ABCC1: variants seen among roughly 807,000 people sequenced by gnomAD.
ABCC1 encodes multidrug resistance-associated protein 1.
In ABCC1, 83 loss-of-function variants were observed where a neutral mutation model predicts 172.9. That is an observed-to-expected ratio of 0.48 (90% CI 0.40 to 0.58). ABCC1 has a LOEUF of 0.58. Among genes scored for constraint, ABCC1 ranks in the 20% least tolerant of loss-of-function variants. The probability of loss-of-function intolerance (pLI) is 0.00; values close to 1 mark genes in which losing one functional copy is unlikely to be tolerated. For synonymous variants in ABCC1, 937 were observed against 825.2 expected (o/e 1.14, Z -2.32); for missense variants, 1,817 against 2,002.7 (o/e 0.91, Z 1.77).
At chr16:15,982,142 A>G (rs891324433) in intron 1 of ABCC1, among the ~76,000 whole-genome samples, 1 of 152,130 alleles carries the variant, frequency 6.6e-6, no homozygotes, top group Non-Finnish European at 1.5e-5. Flanking sequence ...ACATCTTGCT[A>G]TACTCTTCTG....
intron 1 of ABCC1, among the ~76,000 whole-genome samples, chr16:15,960,317 C>G (rs2046099427): frequency 1.3e-5 from 2 of 152,018 alleles, no homozygotes; most frequent in Non-Finnish European, 2.9e-5. Flanking sequence ...CTCTTGAGCT[C>G]AAGCAGTCTC....
intron 25 of ABCC1, 71 bp from the exon 26 acceptor site, chr16:16,125,739 G>GAAA (rs60449468): frequency 2.6e-4 from 225 of 863,112 alleles, no homozygotes; most frequent in South Asian, 4.6e-4. Context: ...TATCTCAGTG[G>GAAA]AAAAAAAGAA....
intron 1 of ABCC1, among the ~76,000 whole-genome samples, chr16:15,989,945 C>T (rs1002273575): frequency 4.6e-5 from 7 of 152,120 alleles, no homozygotes; most frequent in South Asian, 2.1e-4. Context: ...AGCATAATCA[C>T]GTCTCACTGC....
At chr16:16,017,410 C>T (rs968251173) in intron 5 of ABCC1, among the ~76,000 whole-genome samples, 6 of 151,510 alleles carry the variant, frequency 4.0e-5, no homozygotes, top group Non-Finnish European at 7.4e-5. Flanking sequence ...TTTTTTCTTT[C>T]TTCAACTTTT....
At chr16:16,008,842 CA>C (rs1208088210) in intron 2 of ABCC1, among the ~76,000 whole-genome samples, 2,816 of 60,212 alleles carry the variant, frequency 0.047, 32 homozygotes, top group Middle Eastern at 0.094. Flanking sequence ...GACTCCTTCT[CA>C]AAAAAAAAAA....
At chr16:16,034,927 G>C (rs2048696819) in intron 6 of ABCC1, among the ~76,000 whole-genome samples, 1 of 152,068 alleles carries the variant, frequency 6.6e-6, no homozygotes, top group South Asian at 2.1e-4. Context: ...TGATGTGTTT[G>C]CATGTGTGTG....
chr16:15,968,030 AT>A (rs971406086), intron 1 of ABCC1, among the ~76,000 whole-genome samples: 1 of 152,020 alleles, frequency 6.6e-6, no homozygotes, highest in African/African-American at 2.4e-5. Flanking sequence ...TCTAGAGATA[AT>A]TTTCTTTTAT....
At chr16:16,054,968 G>A (rs146896106) in intron 11 of ABCC1, among the ~76,000 whole-genome samples, 1 of 152,338 alleles carries the variant, frequency 6.6e-6, no homozygotes, top group Non-Finnish European at 1.5e-5. Flanking sequence ...AGGGGCTCAT[G>A]TCTGTAATCC....
At position 16,007,848 on chromosome 16, in the gene ABCC1, C is replaced by T. The variant is rs375663357; in HGVS notation, c.81C>T (p.Pro27=). 138 of 1,613,054 alleles carry T rather than the reference C, an allele frequency of 8.6e-5. No individual in the cohort carries two copies. In the African/African-American group the frequency reaches 1.2e-3, roughly 14 times the overall value. ...ATGTCACGTGGAATACCAGCAACCC[C>T]GACTTCACCAAGTGCTTTCAGAACA... ...DWNVTWNTSN[P]DFTKCFQNTV... The change falls in exon 2 of 31, where the codon CCC becomes CCT. Residue 27 remains proline (P), a synonymous_variant. Coordinates refer to ENST00000399410, the MANE Select transcript of ABCC1 (RefSeq NM_004996.4).
intron 29 of ABCC1, among the ~76,000 whole-genome samples, chr16:16,137,545 C>CTTTT (rs151237296): frequency 2.6e-4 from 15 of 56,682 alleles, no homozygotes; most frequent in East Asian, 1.4e-3. Flanking sequence ...GGTATGAGGC[C>CTTTT]TTTTTTTTTT....
intron 22 of ABCC1, 46 bp from the exon 23 acceptor site, chr16:16,114,720 C>A: frequency 6.5e-7 from 1 of 1,539,634 alleles, no homozygotes; most frequent in Non-Finnish European, 8.8e-7. Context: ...AGTGCCTGGT[C>A]AGCTCCCTCT....
chr16:16,041,396 C>G (rs1428098001), intron 7 of ABCC1, among the ~76,000 whole-genome samples: 1 of 152,110 alleles, frequency 6.6e-6, no homozygotes, highest in African/African-American at 2.4e-5. Flanking sequence ...GTGGTGAGAA[C>G]TGGGTCTTGG....
At chr16:16,016,436 G>C in intron 4 of ABCC1, 60 bp from the exon 5 acceptor site, 1 of 1,603,792 alleles carries the variant, frequency 6.2e-7, no homozygotes, top group Admixed American at 1.7e-5. Flanking sequence ...TTACAGGCGT[G>C]AGCCACCACA....
At chr16:15,949,389 C>T (rs1383865566), upstream of ABCC1, among the ~76,000 whole-genome samples, 2 of 151,878 alleles carry the variant, frequency 1.3e-5, no homozygotes, top group Non-Finnish European at 1.5e-5. Flanking sequence ...CCAACGCTCC[C>T]CAGGCCCGTC....
chr16:16,108,331 G>T (rs2052231475), intron 21 of ABCC1, among the ~76,000 whole-genome samples: 1 of 138,386 alleles, frequency 7.2e-6, no homozygotes. Context: ...CCAGGCTGTA[G>T]TGCCGTGGCG....
chr16:15,961,009 T>G (rs892273910), intron 1 of ABCC1, among the ~76,000 whole-genome samples: 1 of 51,580 alleles, frequency 1.9e-5, no homozygotes, highest in African/African-American at 9.2e-5. Context: ...GGTTTTTTTT[T>G]TTTTTTTTTT....
rs758224907 is a variant in ABCC1 at position 16,045,944 on chromosome 16, G to C, written c.1149G>C (p.Gln383His). The C allele has an allele frequency of 1.9e-6, 3 of 1,614,072 alleles. No individual in the cohort carries two copies. Among genetic ancestry groups the C allele is most frequent in the African/African-American group, 1.3e-5 (1 of 74,930 alleles). ...GCCTGCAGACCCTCGTGCTGCACCA[G>C]TACTTCCACATCTGCTTCGTCAGTG... ...TACLQTLVLH[Q>H]YFHICFVSGM... The change falls in exon 9 of 31, where the codon CAG becomes CAC. Residue 383 changes from glutamine (Q) to histidine (H), a missense_variant. Physicochemically the swap from Gln to His is conservative, Grantham distance 24. Around this residue, in one of 3 missense-constraint regions of ABCC1, gnomAD observed 1,412 missense variants for 1,600.3 expected, o/e 0.88. Coordinates refer to ENST00000399410, the MANE Select transcript of ABCC1 (RefSeq NM_004996.4).
intron 5 of ABCC1, among the ~76,000 whole-genome samples, chr16:16,032,876 T>A (rs1328752492): frequency 6.6e-6 from 1 of 152,188 alleles, no homozygotes; most frequent in East Asian, 1.9e-4. Context: ...GCATGTTGTA[T>A]TGTGGTTGCA....
Position 16,142,952 on chromosome 16 carries a change from A to AC in ABCC1, c.*1673dup, listed in dbSNP as rs1226793325. The AC allele has an allele frequency of 2.0e-5, 3 of 152,590 alleles. No individual in the cohort carries two copies. The highest frequency in any genetic ancestry group is 4.4e-5 in the Non-Finnish European group (3 of 68,040). The allele number at this position is 152,590 out of a possible 1,614,324, so 9.5% of individuals were successfully genotyped here. A position where few individuals can be genotyped will look rare whatever the true frequency, so the allele number is the denominator to read the frequency against. On this transcript the variant is annotated 3_prime_UTR_variant, in exon 31 of 31. Transcript: ENST00000399410. ...CATATATTTATTTTTTGTAAGTTAT[A>AC]CCATTCTTTCACATTAGATAAACTA...
Sources: allele counts gnomAD v4.1 joint callset (sites outside exome capture counted in the v4.1 genomes callset), GRCh38; gene constraint gnomAD v4.1.1; regional missense constraint gnomAD v4.1.1; transcripts MANE v1.5; gene names NCBI Gene and HGNC (gene_info 2026-07-23, HGNC 2026-07-21).